The following PTPN2 variants were observed in gnomAD, a reference collection of about 807,000 sequenced individuals.
PTPN2 encodes the protein protein tyrosine phosphatase non-receptor type 2.
PTPN2 carries 19 observed loss-of-function variants against 57.3 expected under a neutral mutation model. The observed-to-expected ratio is 0.33, with a 90% CI of 0.23 to 0.49. The LOEUF (loss-of-function observed/expected upper bound fraction) is 0.49. Ranked by LOEUF, PTPN2 falls within the 20% of genes least tolerant of loss-of-function variation. The probability of loss-of-function intolerance (pLI) is 0.99; values close to 1 mark genes in which losing one functional copy is unlikely to be tolerated. For missense variants in PTPN2, 358 were observed against 501.1 expected, an observed-to-expected ratio of 0.71 and a Z score of 2.73; for synonymous variants, 153 against 164.9, an observed-to-expected ratio of 0.93 and a Z score of 0.55.
rs751118249 is a variant in PTPN2, at chr18:12,794,242, T to C, written c.*36A>G. The stretch of plus-strand genomic sequence containing the variant: ...CTATGATTAATGTAGCACTGTCAGT[T>C]ACTAGTGCAGAAGCTTGCTGGGCAA... On this transcript the variant is annotated 3_prime_UTR_variant, in exon 9 of 9. Coordinates refer to ENST00000309660, the MANE Select transcript of PTPN2 (RefSeq NM_002828.4). 7 of 1,613,204 alleles carry C rather than the reference T, an allele frequency of 4.3e-6. No individual in the cohort carries two copies. In the East Asian group the frequency reaches 1.3e-4, roughly 31 times the overall value.
intron 2 of PTPN2, among the ~76,000 whole-genome samples, chr18:12,840,163 T>A (rs757818345): frequency 6.6e-6 from 1 of 152,204 alleles, no homozygotes; most frequent in Non-Finnish European, 1.5e-5. Flanking sequence ...CGTGAACCAG[T>A]GACTTTTCCC....
rs1711663280 is a variant in PTPN2, at chr18:12,793,853, AC to A, written c.*424del. ...GTCAATAGTACATTATACATTACAC[AC>A]ATTATTTAAATGTCATTTTCTTTCC... On this transcript the variant is annotated 3_prime_UTR_variant, in exon 9 of 9. Transcript: ENST00000309660. The A allele has an allele frequency of 3.7e-5, 38 of 1,022,492 alleles. No individual in the cohort carries two copies. The highest frequency in any genetic ancestry group is 4.4e-5 in the Non-Finnish European group (37 of 846,760). 63.3% of individuals were successfully genotyped at this position (1,022,492 alleles called of 1,614,324 possible).
intron 3 of PTPN2, among the ~76,000 whole-genome samples, chr18:12,835,407 G>A (rs982700470): frequency 4.6e-4 from 25 of 54,502 alleles, no homozygotes; most frequent in African/African-American, 2.9e-3. Context: ...GGACAGTTTT[G>A]CTCTTTCGCT....
chr18:12,823,964 A>G (rs1250528314), intron 5 of PTPN2, among the ~76,000 whole-genome samples: 1 of 152,208 alleles, frequency 6.6e-6, no homozygotes, highest in Non-Finnish European at 1.5e-5. Context: ...GAAACAGGGA[A>G]ACACATCTAT....
intron 1 of PTPN2, among the ~76,000 whole-genome samples, chr18:12,874,792 C>A (rs2044429404): frequency 6.6e-6 from 1 of 152,224 alleles, no homozygotes; most frequent in Non-Finnish European, 1.5e-5. Flanking sequence ...GGCCACCACC[C>A]TGTCTGGGAG....
Position 12,794,050 on chromosome 18 carries a change from C to T in PTPN2, c.*228G>A, listed in dbSNP as rs776082419. ...GCAAAATTTACCAGTTTTTAACAAACATGAATGTCTTTATTTTAGACAGCC... is the reference window on the plus strand; with the variant it reads ...GCAAAATTTACCAGTTTTTAACAAATATGAATGTCTTTATTTTAGACAGCC... On this transcript the variant is annotated 3_prime_UTR_variant, in exon 9 of 9. Transcript: ENST00000309660. The T allele has an allele frequency of 5.4e-5, 76 of 1,398,702 alleles. No homozygotes were observed. Among genetic ancestry groups the T allele is most frequent in the Middle Eastern group, 2.6e-4 (1 of 3,788 alleles). The allele number at this position is 1,398,702 out of a possible 1,614,324, so 86.6% of individuals were successfully genotyped here.
downstream of PTPN2, chr18:12,792,146 G>T: frequency 1.2e-6 from 1 of 820,886 alleles, no homozygotes; most frequent in Non-Finnish European, 1.5e-6. Context: ...TCAGGACACA[G>T]GCACATGTTA....
chr18:12,789,259 C>G (rs2040920379), downstream of PTPN2, among the ~76,000 whole-genome samples: 1 of 152,170 alleles, frequency 6.6e-6, no homozygotes, highest in African/African-American at 2.4e-5. Context: ...AATGCTGTCC[C>G]ATAGACACTG....
chr18:12,810,632 T>C (rs1226071080), intron 7 of PTPN2, among the ~76,000 whole-genome samples: 1 of 152,118 alleles, frequency 6.6e-6, no homozygotes, highest in Non-Finnish European at 1.5e-5. Context: ...TAATAGTTGA[T>C]TTACAGAAGA....
rs60239177 is a variant in PTPN2 at position 12,835,382 on chromosome 18, C to CTTTTTTTTTTTTTTTTTTT, written c.261+1408_261+1409insAAAAAAAAAAAAAAAAAAA. 5.6e-4 allele frequency among the ~76,000 whole-genome samples: 55 copies of CTTTTTTTTTTTTTTTTTTT among 99,016 alleles called. 3 individuals are homozygous for CTTTTTTTTTTTTTTTTTTT. Among genetic ancestry groups the CTTTTTTTTTTTTTTTTTTT allele is most frequent in the African/African-American group, 2.1e-3 (51 of 23,908 alleles). The allele number at this position is 99,016 out of a possible 152,430, so 65.0% of individuals were successfully genotyped here. ...CTGCAATGAACATGATCACATATGTCTTTTTTTTTTTTTTGGACAGTTTTG... is the reference window on the plus strand; with the variant it reads ...CTGCAATGAACATGATCACATATGTCTTTTTTTTTTTTTTTTTTTTTTTTTTTTTTTTTGGACAGTTTTG... On this transcript the variant is annotated intron_variant, in intron 3 of 8. Transcript: ENST00000309660.
At chr18:12,879,972 T>G (rs1198112622) in intron 1 of PTPN2, among the ~76,000 whole-genome samples, 1 of 152,200 alleles carries the variant, frequency 6.6e-6, no homozygotes, top group African/African-American at 2.4e-5. Context: ...TTCAAGATAG[T>G]GGTTTGCTTA....
intron 2 of PTPN2, among the ~76,000 whole-genome samples, chr18:12,837,883 A>G (rs2042920052): frequency 6.6e-6 from 1 of 152,180 alleles, no homozygotes; most frequent in African/African-American, 2.4e-5. Flanking sequence ...TGAACCCAAG[A>G]CCTCTGTAAA....
chr18:12,849,252 C>T lies in PTPN2; in HGVS notation c.160+9912G>A, dbSNP rs368283157. On this transcript the variant is annotated intron_variant, in intron 2 of 8. Coordinates refer to ENST00000309660, the MANE Select transcript of PTPN2 (RefSeq NM_002828.4). ...TCATATGGCTCTTTCTCCTTTGTTA[C>T]TGTGGTGAATTATAAAATAATCTAG... 2.0e-5 allele frequency among the ~76,000 whole-genome samples: 3 copies of T among 152,204 alleles called. No homozygotes were observed. In the South Asian group the frequency reaches 6.2e-4, roughly 32 times the overall value.
intron 1 of PTPN2, among the ~76,000 whole-genome samples, chr18:12,875,111 A>G (rs376779944): frequency 6.6e-6 from 1 of 152,110 alleles, no homozygotes; most frequent in Non-Finnish European, 1.5e-5. Context: ...TGAAGGCAGC[A>G]TGCTCGTTAA....
At chr18:12,814,444 T>C (rs1333014682) in intron 6 of PTPN2, 89 bp from the exon 7 acceptor site, 8 of 1,131,006 alleles carry the variant, frequency 7.1e-6, no homozygotes, top group Admixed American at 5.9e-5. Flanking sequence ...ATTTTTGCTA[T>C]GCATTTTCTC....
chr18:12,830,083 C>T (rs1409574903), intron 4 of PTPN2, among the ~76,000 whole-genome samples: 3 of 150,926 alleles, frequency 2.0e-5, no homozygotes, highest in African/African-American at 4.9e-5. Context: ...CTCAAACTGA[C>T]AATGTCATAA....
At chr18:12,883,977 G>A (rs2145559893) in intron 1 of PTPN2, 96 bp downstream of exon 1, 9 of 1,145,404 alleles carry the variant, frequency 7.9e-6, no homozygotes, top group Non-Finnish European at 1.1e-5. Flanking sequence ...AGAGGCTAGA[G>A]GCGAGAGGCG....
intron 7 of PTPN2, among the ~76,000 whole-genome samples, chr18:12,806,149 TA>T (rs1045934431): frequency 6.6e-6 from 1 of 151,758 alleles, no homozygotes; most frequent in Non-Finnish European, 1.5e-5. Flanking sequence ...AATCAACAAA[TA>T]AAAATCAGTA....
At chr18:12,867,715 T>G (rs966201235) in intron 1 of PTPN2, among the ~76,000 whole-genome samples, 1 of 152,214 alleles carries the variant, frequency 6.6e-6, no homozygotes, top group Admixed American at 6.5e-5. Flanking sequence ...CGCACACCTC[T>G]TTCCTGAGTT....
Sources: gnomAD v4.1 joint callset for allele counts (sites outside exome capture counted in the v4.1 genomes callset) on GRCh38, gnomAD v4.1.1 for gene constraint, MANE v1.5 for transcripts, NCBI Gene and HGNC (gene_info 2026-07-23, HGNC 2026-07-21) for gene names.